The following GRID2 variants were observed in gnomAD, a reference collection of about 807,000 sequenced individuals.
GRID2 encodes glutamate receptor ionotropic, delta-2.
In GRID2, 33 loss-of-function variants were observed where a neutral mutation model predicts 114.8. The observed-to-expected ratio is 0.29, with a 90% confidence interval of 0.22 to 0.38. The LOEUF (loss-of-function observed/expected upper bound fraction) is 0.38, where lower values mean the gene tolerates loss of function less well. Ranked by LOEUF, GRID2 falls within the 10% of genes least tolerant of loss-of-function variation. The probability of loss-of-function intolerance (pLI) is 1.00; values close to 1 mark genes in which losing one functional copy is unlikely to be tolerated. For missense variants in GRID2, 1,184 were observed against 1,257.7 expected, an observed-to-expected ratio of 0.94 and a Z score of 0.89; for synonymous variants, 505 against 449.9, an observed-to-expected ratio of 1.12 and a Z score of -1.55.
At chr4:92,352,656 A>T (rs570307819) in intron 1 of GRID2, among the ~76,000 whole-genome samples, 1 of 152,126 alleles carries the variant, frequency 6.6e-6, no homozygotes, top group African/African-American at 2.4e-5. Flanking sequence ...CATTTCCCTA[A>T]TAACTAATGA....
intron 13 of GRID2, among the ~76,000 whole-genome samples, chr4:93,544,501 G>A (rs1732997188): frequency 1.3e-5 from 2 of 152,008 alleles, no homozygotes; most frequent in Non-Finnish European, 2.9e-5. Flanking sequence ...AAAGACACCA[G>A]GTACGGTGGC....
intron 1 of GRID2, among the ~76,000 whole-genome samples, chr4:92,345,443 G>A (rs1191407767): frequency 6.6e-6 from 1 of 152,138 alleles, no homozygotes; most frequent in Non-Finnish European, 1.5e-5. Context: ...TTTTCATATA[G>A]TGACTTCTTT....
At chr4:93,747,778 A>G (rs938687240) in intron 14 of GRID2, among the ~76,000 whole-genome samples, 2 of 152,014 alleles carry the variant, frequency 1.3e-5, no homozygotes, top group Non-Finnish European at 2.9e-5. Flanking sequence ...AGAAAAATCA[A>G]TGTTGATTTG....
chr4:92,551,217 T>C (rs1726567332), intron 1 of GRID2, among the ~76,000 whole-genome samples: 1 of 151,954 alleles, frequency 6.6e-6, no homozygotes, highest in Non-Finnish European at 1.5e-5. Flanking sequence ...GAAATCTAAA[T>C]CAGTATTTCT....
rs147733513 is a variant in GRID2 at position 92,657,923 on chromosome 4, CAT to C, written c.244+67638_244+67639del. 3.9e-3 allele frequency among the ~76,000 whole-genome samples: 568 copies of C among 146,700 alleles called. 3 individuals carry two copies. Among genetic ancestry groups the C allele is most frequent in the African/African-American group, 0.013 (526 of 39,682 alleles). On this transcript the variant is annotated intron_variant, in intron 2 of 15. Coordinates refer to ENST00000282020, the MANE Select transcript of GRID2 (RefSeq NM_001510.4). ...ATGTAGATGTGTATCTTTGTTCAGA[CAT>C]GTGAAATACAGTGGTAGGAGAAAGA...
intron 1 of GRID2, among the ~76,000 whole-genome samples, chr4:92,572,004 G>T (rs1194791848): frequency 2.0e-5 from 3 of 152,038 alleles, no homozygotes; most frequent in African/African-American, 7.2e-5. Context: ...ACATTCAAAA[G>T]CTAGCAGAAA....
intron 1 of GRID2, among the ~76,000 whole-genome samples, chr4:92,522,976 G>A (rs139201242): frequency 6.4e-4 from 98 of 152,012 alleles, no homozygotes; most frequent in African/African-American, 2.2e-3. Flanking sequence ...GTATGCTGTA[G>A]TTTAGTGCTC....
chr4:93,742,306 C>G (rs1731490506), intron 14 of GRID2, among the ~76,000 whole-genome samples: 1 of 152,114 alleles, frequency 6.6e-6, no homozygotes, highest in Non-Finnish European at 1.5e-5. Flanking sequence ...GATTAAGCAT[C>G]CTAACTTTTC....
intron 2 of GRID2, among the ~76,000 whole-genome samples, chr4:92,597,153 A>G (rs1728994580): frequency 1.3e-5 from 2 of 152,052 alleles, no homozygotes; most frequent in Non-Finnish European, 2.9e-5. Flanking sequence ...ATTGACTCAC[A>G]GTTCCACATG....
chr4:93,035,537 G>C (rs1464475371), intron 2 of GRID2, among the ~76,000 whole-genome samples: 1 of 152,094 alleles, frequency 6.6e-6, no homozygotes, highest in Non-Finnish European at 1.5e-5. Context: ...TGCAAACTGA[G>C]CATGGCTTCC....
Position 92,556,106 on chromosome 4 carries a change from T to G in GRID2, c.89-34025T>G, listed in dbSNP as rs1003242133. Among the ~76,000 whole-genome samples, 3 of 152,284 alleles carry G rather than the reference T, an allele frequency of 2.0e-5. No individual in the cohort carries two copies. In the South Asian group the frequency reaches 6.2e-4, roughly 32 times the overall value. On this transcript the variant is annotated intron_variant, in intron 1 of 15. Coordinates refer to ENST00000282020, the MANE Select transcript of GRID2 (RefSeq NM_001510.4). Reference sequence around the variant, plus strand: ...GGGGAAAGCTCAGTTGTGGACAACCTGTGTCCTAAGGTGAGAAGGAGGGCC... The same window carrying G: ...GGGGAAAGCTCAGTTGTGGACAACCGGTGTCCTAAGGTGAGAAGGAGGGCC...
At chr4:93,648,874 C>G (rs1722343712) in intron 14 of GRID2, among the ~76,000 whole-genome samples, 1 of 151,988 alleles carries the variant, frequency 6.6e-6, no homozygotes, top group Admixed American at 6.6e-5. Flanking sequence ...ATTTCATATG[C>G]AAACACATAC....
At chr4:93,299,650 T>C (rs1327933102) in intron 8 of GRID2, among the ~76,000 whole-genome samples, 1 of 151,928 alleles carries the variant, frequency 6.6e-6, no homozygotes, top group Non-Finnish European at 1.5e-5. Context: ...TGTATACATA[T>C]GTAACAAACC....
intron 2 of GRID2, among the ~76,000 whole-genome samples, chr4:93,040,463 G>GTA (rs1179571061): frequency 1.3e-5 from 2 of 152,078 alleles, no homozygotes; most frequent in African/African-American, 4.8e-5. Context: ...ATTGTCAGAA[G>GTA]TATACTGTAA....
intron 2 of GRID2, among the ~76,000 whole-genome samples, chr4:93,061,125 A>G (rs1332251584): frequency 1.3e-5 from 2 of 150,466 alleles, no homozygotes; most frequent in Admixed American, 6.7e-5. Context: ...TAAATAAATA[A>G]ATAAATAAAT....
intron 2 of GRID2, among the ~76,000 whole-genome samples, chr4:92,759,249 G>C (rs1297048041): frequency 6.6e-6 from 1 of 152,042 alleles, no homozygotes. Flanking sequence ...AATAAAGTCT[G>C]GGTTTTTAAA....
At chr4:93,582,550 G>A (rs1251179623) in intron 13 of GRID2, among the ~76,000 whole-genome samples, 1 of 152,130 alleles carries the variant, frequency 6.6e-6, no homozygotes, top group Non-Finnish European at 1.5e-5. Flanking sequence ...CGTTGCTTTA[G>A]TTTTACAGTT....
chr4:92,319,333 A>G (rs930470551), intron 1 of GRID2, among the ~76,000 whole-genome samples: 1 of 152,242 alleles, frequency 6.6e-6, no homozygotes, highest in Admixed American at 6.5e-5. Context: ...TAATGATGAA[A>G]GAAAAAATAC....
Position 93,471,698 on chromosome 4 carries a change from A to ATTTTTTTTTTTTTTT in GRID2, c.1858+15727_1858+15741dup, listed in dbSNP as rs897411033. Among the ~76,000 whole-genome samples, 34 of 60,998 alleles carry ATTTTTTTTTTTTTTT rather than the reference A, an allele frequency of 5.6e-4. 7 individuals carry two copies. The highest frequency in any genetic ancestry group is 2.8e-3 in the African/African-American group (31 of 11,086). The allele number at this position is 60,998 out of a possible 152,430, so 40.0% of individuals were successfully genotyped here. ...ATTGTTATTTCTTCTCCTGAATTCA[A>ATTTTTTTTTTTTTTT]TTTTTTTTTTTTTTTTTGGAGACGG... On this transcript the variant is annotated intron_variant, in intron 11 of 15. Transcript: ENST00000282020.
Sources: gnomAD v4.1 joint callset for allele counts (sites outside exome capture counted in the v4.1 genomes callset) on GRCh38, gnomAD v4.1.1 for gene constraint, MANE v1.5 for transcripts, NCBI Gene and HGNC (gene_info 2026-07-23, HGNC 2026-07-21) for gene names.